EEA1: variants seen among roughly 807,000 people sequenced by gnomAD.
The protein encoded by EEA1 is early endosome antigen 1, also known as early endosome antigen 1, 162kD.
In EEA1, 111 loss-of-function variants were observed where a neutral mutation model predicts 209.2. The ratio of observed to expected loss-of-function variants is 0.53; its 90% CI spans 0.45 to 0.62. The LOEUF is 0.62. Among genes scored for constraint, EEA1 ranks in the 20% least tolerant of loss-of-function variants. The probability of loss-of-function intolerance (pLI) is 0.00; values close to 1 mark genes in which losing one functional copy is unlikely to be tolerated. For synonymous variants in EEA1, 536 were observed against 540.6 expected (o/e 0.99, Z 0.12); for missense variants, 1,343 against 1,530.8 (o/e 0.88, Z 2.05).
chr12:92,852,734 G>A (rs1248287450), intron 7 of EEA1, among the ~76,000 whole-genome samples, 178 bp downstream of exon 7: 1 of 152,090 alleles, frequency 6.6e-6, no homozygotes, highest in Non-Finnish European at 1.5e-5. Flanking sequence ...CAGGCAGCTA[G>A]AGGACAAACA....
At chr12:92,779,026 C>T in intron 25 of EEA1, 89 bp downstream of exon 25, 7 of 1,149,800 alleles carry the variant, frequency 6.1e-6, no homozygotes, top group Admixed American at 5.8e-5. Context: ...GAAAGCATTT[C>T]AATCAGATCT....
chr12:92,832,792 T>C lies in EEA1; in HGVS notation c.974A>G (p.His325Arg). ...CTTTTTACTCACAGATTCTTCATTA[T>C]GTTTCTCCTCTAACTTAGTATAGTC... is the stretch of plus-strand genomic sequence containing the variant. ...EQDYTKLEEK[H>R]NEESVSKKNI... Residue 325 changes from histidine (H) to arginine (R), a missense_variant, in exon 11 of 29, where the codon CAT (histidine) becomes CGT (arginine). By Grantham distance (29) the His-to-Arg change is conservative. Transcript: ENST00000322349. 2 of 1,613,864 alleles carry C rather than the reference T, an allele frequency of 1.2e-6. No individual in the cohort carries two copies. Among genetic ancestry groups the C allele is most frequent in the Admixed American group, 1.7e-5 (1 of 60,016 alleles).
chr12:92,864,303 A>C (rs1331573674), intron 3 of EEA1, among the ~76,000 whole-genome samples: 2 of 152,178 alleles, frequency 1.3e-5, no homozygotes, highest in Non-Finnish European at 2.9e-5. Flanking sequence ...CAGTGGGGAT[A>C]AAAGACAAGA....
At chr12:92,838,546 A>G (rs1877028340) in intron 10 of EEA1, among the ~76,000 whole-genome samples, 1 of 152,214 alleles carries the variant, frequency 6.6e-6, no homozygotes, top group Non-Finnish European at 1.5e-5. Context: ...TTTACTAGGG[A>G]AAAGCACAGC....
chr12:92,875,295 G>T (rs969890760), intron 2 of EEA1, among the ~76,000 whole-genome samples: 2 of 152,090 alleles, frequency 1.3e-5, no homozygotes, highest in Non-Finnish European at 2.9e-5. Context: ...AATTAGCTGG[G>T]CATGGTGGCA....
At chr12:92,818,266 C>T (rs538688415) in intron 14 of EEA1, among the ~76,000 whole-genome samples, 2 of 152,244 alleles carry the variant, frequency 1.3e-5, no homozygotes, top group African/African-American at 4.8e-5. Context: ...TTCCCCCAAG[C>T]GGTGCCACAG....
chr12:92,879,740 T>G (rs1879058585), intron 2 of EEA1, among the ~76,000 whole-genome samples: 1 of 152,324 alleles, frequency 6.6e-6, no homozygotes, highest in East Asian at 1.9e-4. Flanking sequence ...TGACCCAAAT[T>G]AAGGCCCAAT....
chr12:92,882,824 G>A (rs1271364688), intron 2 of EEA1, among the ~76,000 whole-genome samples: 1 of 152,064 alleles, frequency 6.6e-6, no homozygotes, highest in Non-Finnish European at 1.5e-5. Flanking sequence ...ATCCACCATT[G>A]ATGGGCACAT....
chr12:92,798,231 T>C (rs35023708), intron 21 of EEA1, among the ~76,000 whole-genome samples: 39,152 of 152,022 alleles, frequency 0.26, 5,544 homozygotes, highest in Non-Finnish European at 0.32. Context: ...TATCCCACTT[T>C]GTAATTTTTA....
intron 2 of EEA1, among the ~76,000 whole-genome samples, chr12:92,891,307 A>T (rs769190394): frequency 5.3e-5 from 8 of 152,138 alleles, no homozygotes; most frequent in Non-Finnish European, 1.0e-4. Flanking sequence ...GTCCAATAAC[A>T]GTTCATGACA....
chr12:92,914,005 C>T lies in EEA1; in HGVS notation c.24+15038G>A, dbSNP rs1334315023. ...CCTTCAGTTAATTTGAGTTATCTTT[C>T]GTATATGGTGAACAATATGGGTCCA... On this transcript the variant is annotated intron_variant, in intron 1 of 28. Transcript: ENST00000322349. 3.3e-5 allele frequency among the ~76,000 whole-genome samples: 5 copies of T among 152,170 alleles called. No homozygotes were observed. In the East Asian group the frequency reaches 5.8e-4, roughly 18 times the overall value.
At chr12:92,807,093 A>AG (rs1374561487) in intron 18 of EEA1, among the ~76,000 whole-genome samples, 1 of 152,118 alleles carries the variant, frequency 6.6e-6, no homozygotes, top group Non-Finnish European at 1.5e-5. Flanking sequence ...AGCTGAGATT[A>AG]CAGGCGTGTG....
intron 2 of EEA1, among the ~76,000 whole-genome samples, chr12:92,874,713 T>G (rs1243034554): frequency 6.6e-6 from 1 of 152,250 alleles, no homozygotes; most frequent in Non-Finnish European, 1.5e-5. Flanking sequence ...ACTTTACTCT[T>G]GTTTTTCACT....
intron 18 of EEA1, among the ~76,000 whole-genome samples, chr12:92,806,112 A>G (rs1875189907): frequency 6.6e-6 from 1 of 152,188 alleles, no homozygotes; most frequent in African/African-American, 2.4e-5. Flanking sequence ...AGACACAGTG[A>G]CGCTTTCACA....
Position 92,828,119 on chromosome 12 carries a change from C to T in EEA1, c.1255-58G>A, listed in dbSNP as rs1876409184. On this transcript the variant is annotated intron_variant, in intron 11 of 28. Coordinates refer to ENST00000322349, the MANE Select transcript of EEA1 (RefSeq NM_003566.4). ...ATGTACAAACACACACACAGCACCA[C>T]CTACTTTCCAAACAATGTTTTACTT... 4 of 1,272,826 alleles carry T rather than the reference C, an allele frequency of 3.1e-6. No homozygotes were observed. The East Asian group carries it at 1.1e-4, about 35-fold the overall frequency. The allele number at this position is 1,272,826 out of a possible 1,614,324, so 78.8% of individuals were successfully genotyped here.
chr12:92,916,504 T>A (rs1880765017), intron 1 of EEA1, among the ~76,000 whole-genome samples: 1 of 149,124 alleles, frequency 6.7e-6, no homozygotes, highest in African/African-American at 2.5e-5. Context: ...AATACAAAAA[T>A]TAGCTGGGCG....
intron 1 of EEA1, among the ~76,000 whole-genome samples, chr12:92,911,548 T>G (rs1440319010): frequency 6.6e-6 from 1 of 152,206 alleles, no homozygotes; most frequent in African/African-American, 2.4e-5. Context: ...CTCTGTATGG[T>G]ATTATAACGG....
intron 14 of EEA1, among the ~76,000 whole-genome samples, chr12:92,818,111 G>C (rs550092388): frequency 6.6e-6 from 1 of 152,232 alleles, no homozygotes; most frequent in East Asian, 1.9e-4. Flanking sequence ...GCAGATTTCT[G>C]AAGCTTTTTC....
intron 1 of EEA1, among the ~76,000 whole-genome samples, chr12:92,916,968 G>A (rs1592777615): frequency 1.3e-5 from 2 of 151,830 alleles, no homozygotes; most frequent in East Asian, 1.9e-4. Flanking sequence ...AGGAGCCGAC[G>A]CGATCAACTG....
Sources: allele counts gnomAD v4.1 joint callset (sites outside exome capture counted in the v4.1 genomes callset), GRCh38; gene constraint gnomAD v4.1.1; transcripts MANE v1.5; gene names NCBI Gene and HGNC (gene_info 2026-07-23, HGNC 2026-07-21).